The following PPP6R3 variants were observed in gnomAD, a reference collection of about 807,000 sequenced individuals.
PPP6R3 encodes serine/threonine-protein phosphatase 6 regulatory subunit 3.
A neutral mutation model predicts 110.7 loss-of-function variants in PPP6R3; 38 were observed. The ratio of observed to expected loss-of-function variants is 0.34; its 90% CI spans 0.26 to 0.45. The LOEUF is 0.45. PPP6R3 is among the 20% of genes least tolerant of loss of function. The pLI is 1.00. For missense variants in PPP6R3, 870 were observed against 1,062.4 expected (o/e 0.82, Z 2.52); for synonymous variants, 369 against 373.5 (o/e 0.99, Z 0.14).
At chr11:68,554,324 G>A in intron 7 of PPP6R3, 67 bp downstream of exon 7, 1 of 1,259,344 alleles carries the variant, frequency 7.9e-7, no homozygotes, top group Non-Finnish European at 1.1e-6. Flanking sequence ...ACCATTGTGA[G>A]TGATTGGTAA....
chr11:68,514,622 A>G (rs2099126866), intron 1 of PPP6R3, among the ~76,000 whole-genome samples: 1 of 151,244 alleles, frequency 6.6e-6, no homozygotes, highest in African/African-American at 2.4e-5. Context: ...TCTTGCTCTG[A>G]CGCCCAGGCT....
At chr11:68,510,867 T>A (rs1036062180) in intron 1 of PPP6R3, among the ~76,000 whole-genome samples, 1 of 152,290 alleles carries the variant, frequency 6.6e-6, no homozygotes, top group African/African-American at 2.4e-5. Context: ...GTGTATACTT[T>A]CTGATTTTTT....
chr11:68,488,400 C>G lies in PPP6R3; in HGVS notation c.-158+27573C>G, dbSNP rs776041795. Among the ~76,000 whole-genome samples the G allele has an allele frequency of 3.9e-5, 6 of 152,272 alleles. 1 individual carries two copies. Among genetic ancestry groups the G allele is most frequent in the South Asian group, 4.1e-4 (2 of 4,824 alleles). ...TGTTTCCCAGCCTGGTCTTGAGCTC[C>G]TGGGCTCAAGCAGTCCTCCTATCTC... On this transcript the variant is annotated intron_variant, in intron 1 of 23. Transcript: ENST00000393800.
intron 23 of PPP6R3, among the ~76,000 whole-genome samples, chr11:68,612,683 A>G (rs1450167338): frequency 2.6e-5 from 4 of 151,580 alleles, no homozygotes; most frequent in Non-Finnish European, 4.4e-5. Context: ...GTGGATTCCA[A>G]TCTGTGGGTC....
chr11:68,607,461 G>T (rs1358596244), intron 22 of PPP6R3, among the ~76,000 whole-genome samples: 1 of 152,198 alleles, frequency 6.6e-6, no homozygotes, highest in Non-Finnish European at 1.5e-5. Context: ...AAAAACATGT[G>T]CAGTGCTTTC....
intron 12 of PPP6R3, among the ~76,000 whole-genome samples, chr11:68,573,424 T>C (rs531502500): frequency 5.3e-5 from 8 of 152,104 alleles, no homozygotes; most frequent in Middle Eastern, 3.4e-3. Context: ...GTGTTGGGAT[T>C]ACAGGCGTGA....
At chr11:68,527,395 A>G (rs1313543471) in intron 2 of PPP6R3, among the ~76,000 whole-genome samples, 2 of 152,142 alleles carry the variant, frequency 1.3e-5, no homozygotes, top group Non-Finnish European at 1.5e-5. Context: ...TGTCTGTCTT[A>G]GCACCGTGAC....
intron 1 of PPP6R3, among the ~76,000 whole-genome samples, chr11:68,488,125 C>T (rs1340913278): frequency 6.6e-6 from 1 of 152,164 alleles, no homozygotes; most frequent in African/African-American, 2.4e-5. Flanking sequence ...TCTCTTTAGC[C>T]TTGATAACTT....
At chr11:68,606,313 TTTC>T (rs1222866916) in intron 22 of PPP6R3, among the ~76,000 whole-genome samples, 2 of 151,886 alleles carry the variant, frequency 1.3e-5, no homozygotes, top group Non-Finnish European at 2.9e-5. Context: ...TTCCTCCTTC[TTTC>T]TTCTTCTTTC....
chr11:68,503,145 T>C (rs2099056835), intron 1 of PPP6R3, among the ~76,000 whole-genome samples: 1 of 152,138 alleles, frequency 6.6e-6, no homozygotes, highest in South Asian at 2.1e-4. Context: ...GGTTTCACCA[T>C]ATTGGACAGG....
intron 1 of PPP6R3, among the ~76,000 whole-genome samples, chr11:68,500,287 T>C (rs968778898): frequency 2.8e-5 from 4 of 144,828 alleles, no homozygotes; most frequent in Non-Finnish European, 6.1e-5. Flanking sequence ...AAGACCTACC[T>C]TTTTTTTTTT....
chr11:68,589,039 T>G (rs2099587668), intron 16 of PPP6R3, among the ~76,000 whole-genome samples: 1 of 151,874 alleles, frequency 6.6e-6, no homozygotes, highest in Admixed American at 6.6e-5. Flanking sequence ...AAACCCTGTC[T>G]CTACTAAAAA....
rs372114771 is a variant in PPP6R3 at position 68,558,550 on chromosome 11, T to C, written c.732-16T>C. ...AAGTGATACTGCAGTTAGTGATTAT[T>C]GATTTGTTTCCCTAGGCAAGAAATT... is the stretch of plus-strand genomic sequence containing the variant. On this transcript the variant is annotated splice_polypyrimidine_tract_variant and intron_variant, in intron 7 of 23. Transcript: ENST00000393800. 4.8e-5 allele frequency: 75 copies of C among 1,552,828 alleles called. No homozygotes were observed. Among genetic ancestry groups the C allele is most frequent in the Non-Finnish European group, 6.1e-5 (69 of 1,127,068 alleles).
rs1593041789 is a variant in PPP6R3 at position 68,554,185 on chromosome 11, G to A, written c.659G>A (p.Arg220His). 6.2e-7 allele frequency: 1 copy of A among 1,613,290 alleles called. No homozygotes were observed. The change falls in exon 7 of 24, where the codon CGC (arginine) becomes CAC (histidine). Residue 220 changes from arginine (R) to histidine (H), a missense_variant. Physicochemically the swap from Arg to His is conservative, Grantham distance 29. Transcript: ENST00000393800. The stretch of plus-strand genomic sequence containing the variant: ...TCACAATCACTTTGTGAAATTGTTC[G>A]CCTGAGCAGAGACCAGATGTTACAA... The part of the protein sequence containing the change: ...NASQSLCEIV[R>H]LSRDQMLQIQ...
intron 1 of PPP6R3, among the ~76,000 whole-genome samples, chr11:68,500,679 T>C (rs147148162): frequency 0.056 from 8,484 of 152,266 alleles, 249 homozygotes; most frequent in Middle Eastern, 0.13. Context: ...GGTTTCACCA[T>C]CTTGGCCAGG....
At chr11:68,603,172 A>G (rs1298076523) in intron 21 of PPP6R3, among the ~76,000 whole-genome samples, 170 bp from the exon 22 acceptor site, 3 of 152,080 alleles carry the variant, frequency 2.0e-5, no homozygotes, top group African/African-American at 7.2e-5. Flanking sequence ...ATCTTTAAGA[A>G]GTCTCTCCCC....
chr11:68,507,122 G>A (rs916053166), intron 1 of PPP6R3, among the ~76,000 whole-genome samples: 2 of 152,112 alleles, frequency 1.3e-5, no homozygotes, highest in African/African-American at 4.8e-5. Context: ...GCCAAACAAT[G>A]ATGTAGTCCA....
intron 22 of PPP6R3, 121 bp downstream of exon 22, chr11:68,603,613 C>G: frequency 8.0e-7 from 1 of 1,242,408 alleles, no homozygotes; most frequent in Middle Eastern, 2.0e-4. Flanking sequence ...AGCTTGATGT[C>G]TTTCTGTTGT....
chr11:68,493,980 G>A (rs1294030107), intron 1 of PPP6R3, among the ~76,000 whole-genome samples: 1 of 151,422 alleles, frequency 6.6e-6, no homozygotes, highest in East Asian at 2.0e-4. Context: ...GCGGGAGCCT[G>A]TAGTCCCAGC....
Sources: gnomAD v4.1 joint callset for allele counts (sites outside exome capture counted in the v4.1 genomes callset) on GRCh38, gnomAD v4.1.1 for gene constraint, MANE v1.5 for transcripts, NCBI Gene and HGNC (gene_info 2026-07-23, HGNC 2026-07-21) for gene names.